Variants in RRAGD observed in about 807,000 individuals in gnomAD.
RRAGD encodes the protein ras-related GTP-binding protein D.
Under a neutral mutation model 35.5 loss-of-function variants are expected in RRAGD, and 12 were observed. That is an observed-to-expected ratio of 0.34 (90% CI 0.22 to 0.55). The LOEUF is 0.55. RRAGD is among the 20% of genes least tolerant of loss of function. The probability of loss-of-function intolerance (pLI) is 0.91; values close to 1 mark genes in which losing one functional copy is unlikely to be tolerated. For synonymous variants in RRAGD, 155 were observed against 178.9 expected, an observed-to-expected ratio of 0.87 and a Z score of 1.07; for missense variants, 324 against 490.1, an observed-to-expected ratio of 0.66 and a Z score of 3.20.
chr6:89,399,767 A>T (rs1434823166), intron 1 of RRAGD, among the ~76,000 whole-genome samples: 13 of 130,786 alleles, frequency 9.9e-5, no homozygotes, highest in East Asian at 2.2e-4. Context: ...ATGCCCAGCT[A>T]TTTTTTTTTT....
intron 5 of RRAGD, among the ~76,000 whole-genome samples, chr6:89,376,309 GT>G (rs59156242): frequency 2.8e-4 from 7 of 25,240 alleles, no homozygotes; most frequent in African/African-American, 2.1e-3. Flanking sequence ...TGGTGTGTGT[GT>G]GTGTGTGTGT....
intron 1 of RRAGD, among the ~76,000 whole-genome samples, chr6:89,392,846 T>A (rs544278687): frequency 3.3e-5 from 5 of 152,188 alleles, no homozygotes; most frequent in Non-Finnish European, 7.3e-5. Context: ...TACTCCACTA[T>A]AAGCAACTCC....
chr6:89,408,865 T>C (rs1769640921), intron 1 of RRAGD, among the ~76,000 whole-genome samples: 2 of 152,210 alleles, frequency 1.3e-5, no homozygotes, highest in Non-Finnish European at 2.9e-5. Context: ...ATCATTATTT[T>C]TGGTGCAATT....
At chr6:89,391,090 A>AC (rs1192388091) in intron 1 of RRAGD, among the ~76,000 whole-genome samples, 2 of 152,300 alleles carry the variant, frequency 1.3e-5, no homozygotes, top group East Asian at 3.9e-4. Flanking sequence ...AGAATGCGGT[A>AC]CAATGGAATA....
intron 2 of RRAGD, among the ~76,000 whole-genome samples, chr6:89,384,892 A>C (rs1169455826): frequency 6.6e-6 from 1 of 152,100 alleles, no homozygotes; most frequent in Non-Finnish European, 1.5e-5. Context: ...CCCCACAAAA[A>C]ACACCCAAGA....
chr6:89,382,711 TAA>T (rs1423585879), intron 2 of RRAGD, among the ~76,000 whole-genome samples: 5 of 151,300 alleles, frequency 3.3e-5, no homozygotes, highest in South Asian at 2.1e-4. Context: ...CCGTCTCTAC[TAA>T]AAAAATACAA....
At chr6:89,395,508 G>C (rs972435922) in intron 1 of RRAGD, among the ~76,000 whole-genome samples, 1 of 152,176 alleles carries the variant, frequency 6.6e-6, no homozygotes, top group Non-Finnish European at 1.5e-5. Context: ...CTGACATGCT[G>C]TTTTATGTTT....
At chr6:89,407,265 G>C (rs1040108434) in intron 1 of RRAGD, among the ~76,000 whole-genome samples, 3 of 152,092 alleles carry the variant, frequency 2.0e-5, no homozygotes, top group Non-Finnish European at 2.9e-5. Context: ...GAACTCTAAG[G>C]CTCTGGCACA....
chr6:89,412,214 G>A lies in RRAGD; in HGVS notation c.-221C>T. 1 of 303,524 alleles carries A rather than the reference G, an allele frequency of 3.3e-6. No individual in the cohort carries two copies. Among genetic ancestry groups the A allele is most frequent in the Non-Finnish European group, 5.9e-6 (1 of 168,612 alleles). 18.8% of individuals were successfully genotyped at this position (303,524 alleles called of 1,614,324 possible). A position where few individuals can be genotyped will look rare whatever the true frequency, so the allele number is the denominator to read the frequency against. Reference sequence around the variant, plus strand: ...AGCCCCCTCCCCCGCCCCGCCCGCCGGCGGAGGAGTCAGCCGGAGCGCGGC... The same window carrying A: ...AGCCCCCTCCCCCGCCCCGCCCGCCAGCGGAGGAGTCAGCCGGAGCGCGGC... On this transcript the variant is annotated 5_prime_UTR_variant, in exon 1 of 7. Coordinates refer to ENST00000369415, the MANE Select transcript of RRAGD (RefSeq NM_021244.5). The surrounding 1 kb of genome is among the most constrained non-coding windows in gnomAD (Gnocchi z 4.2).
chr6:89,376,316 T>C lies in RRAGD; in HGVS notation c.902+1355A>G, dbSNP rs919010600. 4.6e-5 allele frequency among the ~76,000 whole-genome samples: 7 copies of C among 151,678 alleles called. No individual in the cohort carries two copies. The East Asian group carries it at 7.7e-4, about 17-fold the overall frequency. On this transcript the variant is annotated intron_variant, in intron 5 of 6. Coordinates refer to ENST00000369415, the MANE Select transcript of RRAGD (RefSeq NM_021244.5). ...TGTGTGTGTGGTGTGTGTGTGTGTG[T>C]GTGTGTGTGTGTGTGTGTGTGTCTA...
rs534311957 is a variant in RRAGD, at chr6:89,381,677, G to C, written c.445-1310C>G. 2.8e-4 allele frequency among the ~76,000 whole-genome samples: 42 copies of C among 152,308 alleles called. No individual in the cohort carries two copies. In the South Asian group the frequency reaches 8.7e-3, roughly 32 times the overall value. ...CTTTTTCATTCAACACTATGTCAGT[G>C]AGATTCACCTATGCTGAATGTTATC... On this transcript the variant is annotated intron_variant, in intron 2 of 6. Coordinates refer to ENST00000369415, the MANE Select transcript of RRAGD (RefSeq NM_021244.5).
chr6:89,376,053 G>A (rs1015153181), intron 5 of RRAGD, among the ~76,000 whole-genome samples: 4 of 152,074 alleles, frequency 2.6e-5, no homozygotes, highest in African/African-American at 9.7e-5. Flanking sequence ...ATCAGGGTGC[G>A]TTCATCTTCC....
intron 1 of RRAGD, among the ~76,000 whole-genome samples, chr6:89,389,221 T>G (rs900506993): frequency 1.3e-5 from 2 of 152,030 alleles, no homozygotes; most frequent in Admixed American, 6.6e-5. Flanking sequence ...TTAAAATCCT[T>G]TGCTAAGGGT....
intron 1 of RRAGD, among the ~76,000 whole-genome samples, chr6:89,397,600 T>G (rs1039400344): frequency 7.0e-6 from 1 of 143,174 alleles, no homozygotes; most frequent in Non-Finnish European, 1.5e-5. Context: ...CGAGACTCCG[T>G]CTCAAAAAAA....
intron 2 of RRAGD, among the ~76,000 whole-genome samples, chr6:89,383,083 T>C (rs55650455): frequency 0.17 from 26,607 of 152,084 alleles, 2,816 homozygotes; most frequent in Middle Eastern, 0.25. Context: ...AAGGGAACCT[T>C]TGGGGTGGTG....
chr6:89,402,579 C>G (rs532094489), intron 1 of RRAGD, among the ~76,000 whole-genome samples: 2 of 152,116 alleles, frequency 1.3e-5, no homozygotes. Flanking sequence ...GACCTGGCAG[C>G]CCAGCCACCA....
intron 2 of RRAGD, among the ~76,000 whole-genome samples, chr6:89,381,076 G>C (rs1769034695): frequency 6.6e-6 from 1 of 152,180 alleles, no homozygotes; most frequent in African/African-American, 2.4e-5. Flanking sequence ...TGGGCGGGTG[G>C]GGAAGGAGCT....
intron 2 of RRAGD, among the ~76,000 whole-genome samples, chr6:89,383,787 A>T (rs9344933): frequency 0.032 from 4,887 of 152,266 alleles, 313 homozygotes; most frequent in East Asian, 0.27. Flanking sequence ...ATGAACAAAA[A>T]ATAAAAATAT....
chr6:89,365,609 A>G lies in RRAGD; in HGVS notation c.*2447T>C, dbSNP rs1279160114. The G allele has an allele frequency of 6.6e-6, 1 of 152,230 alleles. No homozygotes were observed. Among genetic ancestry groups the G allele is most frequent in the Non-Finnish European group, 1.5e-5 (1 of 68,038 alleles). 9.4% of individuals were successfully genotyped at this position (152,230 alleles called of 1,614,324 possible). On this transcript the variant is annotated 3_prime_UTR_variant, in exon 7 of 7. Coordinates refer to ENST00000369415, the MANE Select transcript of RRAGD (RefSeq NM_021244.5). The stretch of plus-strand genomic sequence containing the variant: ...CACACTTACAAAGTTAGAGGCAGTA[A>G]TCTATATTAGCGTGTGATTAATCAA...
Sources: gnomAD v4.1 joint callset for allele counts (sites outside exome capture counted in the v4.1 genomes callset) on GRCh38, gnomAD v4.1.1 for gene constraint, Gnocchi (gnomAD v3.1) non-coding constraint, MANE v1.5 for transcripts, NCBI Gene and HGNC (gene_info 2026-07-23, HGNC 2026-07-21) for gene names.